NKAIN2: variants seen among roughly 807,000 people sequenced by gnomAD.
The protein encoded by NKAIN2 is sodium/potassium-transporting ATPase subunit beta-1-interacting protein 2.
In NKAIN2, 14 loss-of-function variants were observed where a neutral mutation model predicts 32.6. The ratio of observed to expected loss-of-function variants is 0.43; its 90% CI spans 0.28 to 0.67. The LOEUF is 0.67. Among genes scored for constraint, NKAIN2 ranks in the 30% least tolerant of loss-of-function variants. The pLI is 0.17. For synonymous variants in NKAIN2, 80 were observed against 87.2 expected, an observed-to-expected ratio of 0.92 and a Z score of 0.46; for missense variants, 198 against 258.3, an observed-to-expected ratio of 0.77 and a Z score of 1.60.
chr6:124,574,833 G>A (rs1416556346), intron 3 of NKAIN2, among the ~76,000 whole-genome samples: 1 of 152,122 alleles, frequency 6.6e-6, no homozygotes, highest in Non-Finnish European at 1.5e-5. Context: ...AGAATGCCTA[G>A]TACCTAGGAA....
At chr6:124,771,018 G>A (rs571619378) in intron 4 of NKAIN2, among the ~76,000 whole-genome samples, 12 of 152,214 alleles carry the variant, frequency 7.9e-5, no homozygotes, top group South Asian at 4.2e-4. Flanking sequence ...GTAATTGCAC[G>A]TTTCTATTTA....
intron 3 of NKAIN2, among the ~76,000 whole-genome samples, chr6:124,560,316 TGAA>T (rs1229451504): frequency 1.3e-5 from 2 of 152,198 alleles, no homozygotes; most frequent in Non-Finnish European, 2.9e-5. Flanking sequence ...TGCCACCATG[TGAA>T]GAAGGACTGT....
intron 4 of NKAIN2, among the ~76,000 whole-genome samples, chr6:124,711,806 T>A (rs1562338835): frequency 6.6e-6 from 1 of 152,198 alleles, no homozygotes; most frequent in Non-Finnish European, 1.5e-5. Flanking sequence ...TCTGAAGCCT[T>A]CTTCTCTCAG....
intron 4 of NKAIN2, among the ~76,000 whole-genome samples, chr6:124,717,622 A>C (rs1319954958): frequency 6.6e-6 from 1 of 152,182 alleles, no homozygotes; most frequent in Non-Finnish European, 1.5e-5. Flanking sequence ...AATAAGCCTT[A>C]ATATGTGTAG....
chr6:124,436,839 C>T (rs1260941585), intron 3 of NKAIN2, among the ~76,000 whole-genome samples: 1 of 152,174 alleles, frequency 6.6e-6, no homozygotes, highest in African/African-American at 2.4e-5. Context: ...TAAACACCCT[C>T]AATCAAGAGG....
chr6:124,654,262 A>T (rs1297060795), intron 3 of NKAIN2, among the ~76,000 whole-genome samples: 1 of 152,128 alleles, frequency 6.6e-6, no homozygotes, highest in Non-Finnish European at 1.5e-5. Flanking sequence ...ATTTTTGGCT[A>T]CAGCTTTATG....
chr6:124,223,461 A>T (rs751980212), intron 1 of NKAIN2, among the ~76,000 whole-genome samples: 1 of 152,104 alleles, frequency 6.6e-6, no homozygotes, highest in Non-Finnish European at 1.5e-5. Context: ...GGTTTCTACC[A>T]TTGGGTGTCT....
At chr6:124,370,835 T>C (rs1583142770) in intron 3 of NKAIN2, among the ~76,000 whole-genome samples, 1 of 152,060 alleles carries the variant, frequency 6.6e-6, no homozygotes, top group East Asian at 1.9e-4. Flanking sequence ...ATATAGGCAC[T>C]CGCAAAGGCT....
intron 1 of NKAIN2, among the ~76,000 whole-genome samples, chr6:123,846,287 A>G (rs1350792472): frequency 6.6e-6 from 1 of 152,120 alleles, no homozygotes; most frequent in Non-Finnish European, 1.5e-5. Flanking sequence ...TTAAGTCCTC[A>G]TAGGCTAAGG....
intron 3 of NKAIN2, among the ~76,000 whole-genome samples, chr6:124,517,679 T>G (rs2114788504): frequency 6.6e-6 from 1 of 152,286 alleles, no homozygotes; most frequent in Non-Finnish European, 1.5e-5. Context: ...AACCGTAAAC[T>G]TCTATGTTAA....
At chr6:124,180,715 C>CAA (rs1336535590) in intron 1 of NKAIN2, among the ~76,000 whole-genome samples, 1 of 152,198 alleles carries the variant, frequency 6.6e-6, no homozygotes, top group Non-Finnish European at 1.5e-5. Context: ...CCTGTAAAAT[C>CAA]AAAAGCAAGT....
intron 3 of NKAIN2, among the ~76,000 whole-genome samples, chr6:124,639,874 T>C (rs1783920186): frequency 6.6e-6 from 1 of 152,020 alleles, no homozygotes; most frequent in African/African-American, 2.4e-5. Flanking sequence ...TGAATTAAAA[T>C]TTACAGCTAG....
At chr6:124,563,794 C>T (rs79903447) in intron 3 of NKAIN2, among the ~76,000 whole-genome samples, 8,233 of 152,136 alleles carry the variant, frequency 0.054, 324 homozygotes, top group East Asian at 0.2. Flanking sequence ...CCTCAGCCTC[C>T]GGAGTAGCTG....
intron 2 of NKAIN2, among the ~76,000 whole-genome samples, chr6:124,297,348 GAA>G (rs1173624467): frequency 6.6e-6 from 1 of 152,028 alleles, no homozygotes; most frequent in African/African-American, 2.4e-5. Context: ...CTAGAGAAAA[GAA>G]AATATTAAGA....
intron 2 of NKAIN2, among the ~76,000 whole-genome samples, chr6:124,350,037 T>C (rs1431059288): frequency 6.6e-6 from 1 of 152,196 alleles, no homozygotes; most frequent in East Asian, 1.9e-4. Context: ...AATATAAGAT[T>C]TTCTTCACAA....
chr6:124,524,286 A>G (rs1247818195), intron 3 of NKAIN2, among the ~76,000 whole-genome samples: 1 of 152,214 alleles, frequency 6.6e-6, no homozygotes, highest in Non-Finnish European at 1.5e-5. Context: ...TTTGCAAATA[A>G]AAATAGTCCT....
At chr6:124,334,573 G>C (rs1342947860) in intron 2 of NKAIN2, among the ~76,000 whole-genome samples, 1 of 152,118 alleles carries the variant, frequency 6.6e-6, no homozygotes, top group East Asian at 1.9e-4. Flanking sequence ...TAGAAGACCA[G>C]ATAAGCCAGT....
rs192250978 is a variant in NKAIN2, at chr6:124,742,514, G to T, written c.475-48825G>T. ...GGACTCAGACTGAATGACATCACTG[G>T]CTTCCCTGGTTCTCTGACTTGCAGA... On this transcript the variant is annotated intron_variant, in intron 4 of 6. Coordinates refer to ENST00000368417, the MANE Select transcript of NKAIN2 (RefSeq NM_001040214.3). Among the ~76,000 whole-genome samples, 41 of 151,858 alleles carry T rather than the reference G, an allele frequency of 2.7e-4. 1 individual carries two copies. Among genetic ancestry groups the T allele is most frequent in the African/African-American group, 9.4e-4 (39 of 41,486 alleles).
At chr6:124,757,339 G>T (rs1473761765) in intron 4 of NKAIN2, among the ~76,000 whole-genome samples, 1 of 151,918 alleles carries the variant, frequency 6.6e-6, no homozygotes, top group Non-Finnish European at 1.5e-5. Context: ...ATTTCTCTCT[G>T]CACGCTTCAA....
Sources: gnomAD v4.1 joint callset for allele counts (sites outside exome capture counted in the v4.1 genomes callset) on GRCh38, gnomAD v4.1.1 for gene constraint, MANE v1.5 for transcripts, NCBI Gene and HGNC (gene_info 2026-07-23, HGNC 2026-07-21) for gene names.